SEL1L: variants seen among roughly 807,000 people sequenced by gnomAD.
The protein encoded by SEL1L is SEL1L adaptor subunit of SYVN1 ubiquitin ligase.
In SEL1L, 52 loss-of-function variants were observed where a neutral mutation model predicts 109.8. The ratio of observed to expected loss-of-function variants is 0.47; its 90% CI spans 0.38 to 0.60. The LOEUF (loss-of-function observed/expected upper bound fraction) is 0.60, where lower values mean the gene tolerates loss of function less well. SEL1L is among the 20% of genes least tolerant of loss of function. The probability of loss-of-function intolerance (pLI) is 0.00; values close to 1 mark genes in which losing one functional copy is unlikely to be tolerated. For synonymous variants in SEL1L, 373 were observed against 339.6 expected (o/e 1.10, Z -1.08); for missense variants, 749 against 962.2 (o/e 0.78, Z 2.93).
intron 13 of SEL1L, among the ~76,000 whole-genome samples, chr14:81,490,105 T>C (rs1356709325): frequency 1.3e-5 from 2 of 152,202 alleles, no homozygotes; most frequent in Non-Finnish European, 2.9e-5. Context: ...ATAGGGTAGA[T>C]TATATAAGTT....
Position 81,502,852 on chromosome 14 carries a change from T to G in SEL1L, c.646A>C (p.Met216Leu). Residue 216 changes from methionine to leucine, a missense_variant, in exon 6 of 21, where the codon ATG becomes CTG. Met to Leu is a conservative substitution (Grantham distance 15, BLOSUM62 2). Around this residue, in one of 2 missense-constraint regions of SEL1L, gnomAD observed 366 missense variants for 399.8 expected, o/e 0.92. Coordinates refer to ENST00000336735, the MANE Select transcript of SEL1L (RefSeq NM_005065.6). Reference protein sequence around the residue: ...AYRYLQKAASMNHTKALERVS... With the variant: ...AYRYLQKAASLNHTKALERVS... ...CTCTCCAGGGCTTTGGTATGGTTCA[T>G]GCTTGCTGCCTTTTGGAGATACCGA... 2 of 1,613,948 alleles carry G rather than the reference T, an allele frequency of 1.2e-6. No homozygotes were observed. Among genetic ancestry groups the G allele is most frequent in the Non-Finnish European group, 1.7e-6 (2 of 1,179,870 alleles).
At chr14:81,530,671 T>C (rs1052501297) in intron 1 of SEL1L, among the ~76,000 whole-genome samples, 2 of 152,212 alleles carry the variant, frequency 1.3e-5, no homozygotes, top group South Asian at 4.1e-4. Context: ...TGAAGAAATA[T>C]CTTTTTAGTG....
At chr14:81,516,483 T>C (rs1194541118) in intron 3 of SEL1L, among the ~76,000 whole-genome samples, 2 of 152,188 alleles carry the variant, frequency 1.3e-5, no homozygotes, top group Non-Finnish European at 2.9e-5. Context: ...GGAGCTATTA[T>C]CTACATGAAT....
chr14:81,509,751 G>T (rs548947470), intron 3 of SEL1L, among the ~76,000 whole-genome samples: 2 of 152,252 alleles, frequency 1.3e-5, no homozygotes, highest in South Asian at 4.1e-4. Flanking sequence ...TCAAGAGGGG[G>T]CATTTGGTAA....
At position 81,487,933 on chromosome 14, in the gene SEL1L, G is replaced by A; in HGVS notation, c.1405C>T (p.Leu469=). Residue 469 remains leucine, a synonymous_variant, in exon 15 of 21, where the codon CTA becomes TTA. Transcript: ENST00000336735. ...YGRGVQVNYD[L]ALKYFQKAAE... ...GCTTTCTGGAAATACTTAAGGGCTA[G>A]ATCATAATTCTGTAGAAAAAGATGT... 3 of 1,613,308 alleles carry A rather than the reference G, an allele frequency of 1.9e-6. No individual in the cohort carries two copies. The highest frequency in any genetic ancestry group is 2.5e-6 in the Non-Finnish European group (3 of 1,179,502).
At chr14:81,526,686 A>G (rs371558925) in intron 3 of SEL1L, 47 bp downstream of exon 3, 1 of 1,438,930 alleles carries the variant, frequency 6.9e-7, no homozygotes. Flanking sequence ...TAAAATTTTC[A>G]GTTGTCCCCT....
At chr14:81,480,390 C>A (rs902994347) in intron 19 of SEL1L, among the ~76,000 whole-genome samples, 2 of 152,102 alleles carry the variant, frequency 1.3e-5, no homozygotes, top group South Asian at 4.1e-4. Flanking sequence ...GGGGTTTCAC[C>A]GTGTTCGCCA....
At chr14:81,519,232 C>A (rs1884820501) in intron 3 of SEL1L, among the ~76,000 whole-genome samples, 1 of 152,132 alleles carries the variant, frequency 6.6e-6, no homozygotes, top group Non-Finnish European at 1.5e-5. Context: ...GGGAGAGGAC[C>A]CTTGAAAGCT....
chr14:81,504,078 T>C, intron 5 of SEL1L, 123 bp downstream of exon 5: 1 of 518,086 alleles, frequency 1.9e-6, no homozygotes, highest in East Asian at 3.3e-5. Flanking sequence ...TTACATTTTT[T>C]TGTAATGGAA....
intron 13 of SEL1L, among the ~76,000 whole-genome samples, chr14:81,489,840 T>G (rs903964744): frequency 6.6e-6 from 1 of 152,144 alleles, no homozygotes; most frequent in African/African-American, 2.4e-5. Flanking sequence ...AATCTAGAAT[T>G]TGCCTAAACT....
At chr14:81,489,745 T>A (rs933271334) in intron 13 of SEL1L, among the ~76,000 whole-genome samples, 3 of 152,188 alleles carry the variant, frequency 2.0e-5, no homozygotes, top group Non-Finnish European at 4.4e-5. Flanking sequence ...ATAGCAATGC[T>A]GCTATCAGGT....
intron 19 of SEL1L, among the ~76,000 whole-genome samples, chr14:81,483,063 T>C (rs1903410128): frequency 6.6e-6 from 1 of 152,238 alleles, no homozygotes; most frequent in Non-Finnish European, 1.5e-5. Flanking sequence ...AGATTGATCA[T>C]TAAAAATAAT....
At chr14:81,483,989 T>C (rs1298507530) in intron 19 of SEL1L, among the ~76,000 whole-genome samples, 1 of 152,240 alleles carries the variant, frequency 6.6e-6, no homozygotes, top group Non-Finnish European at 1.5e-5. Context: ...GCACTTCCAT[T>C]TTCATGAGTC....
Position 81,533,770 on chromosome 14 carries a change from C to A in SEL1L, c.-26G>T. ...CCTCCTCTCGGGGCCGGTGCCAACC[C>A]CTAGAGCTGTCGCCTTCGCCTCTGC... On this transcript the variant is annotated 5_prime_UTR_variant, in exon 1 of 21. Transcript: ENST00000336735. The A allele has an allele frequency of 6.2e-7, 1 of 1,609,232 alleles. No homozygotes were observed. The highest frequency in any genetic ancestry group is 8.5e-7 in the Non-Finnish European group (1 of 1,177,976).
At chr14:81,501,453 C>T (rs753467250) in intron 6 of SEL1L, among the ~76,000 whole-genome samples, 12 of 152,090 alleles carry the variant, frequency 7.9e-5, no homozygotes, top group Non-Finnish European at 1.2e-4. Context: ...TTTATATAAA[C>T]TGATTCACGC....
intron 3 of SEL1L, among the ~76,000 whole-genome samples, chr14:81,513,114 G>A (rs913361611): frequency 3.9e-5 from 6 of 152,094 alleles, no homozygotes; most frequent in African/African-American, 1.2e-4. Context: ...CTGTAAGAAC[G>A]CACCAATCAG....
intron 5 of SEL1L, among the ~76,000 whole-genome samples, chr14:81,503,410 T>A (rs1884100011): frequency 6.6e-6 from 1 of 151,958 alleles, no homozygotes; most frequent in African/African-American, 2.4e-5. Flanking sequence ...TGATCACAGC[T>A]CACTGCAGCC....
At chr14:81,484,149 C>G (rs1195953468) in intron 19 of SEL1L, 76 bp downstream of exon 19, 2 of 1,451,774 alleles carry the variant, frequency 1.4e-6, no homozygotes, top group Non-Finnish European at 1.9e-6. Flanking sequence ...CAAGGAAAGT[C>G]TATTTTCTAT....
intron 11 of SEL1L, among the ~76,000 whole-genome samples, chr14:81,493,021 C>T (rs1034600369): frequency 6.6e-6 from 1 of 152,120 alleles, no homozygotes; most frequent in Admixed American, 6.5e-5. Context: ...AATTCTTGAC[C>T]CTACTTAAAA....
Sources: allele counts gnomAD v4.1 joint callset (sites outside exome capture counted in the v4.1 genomes callset), GRCh38; gene constraint gnomAD v4.1.1; regional missense constraint gnomAD v4.1.1; transcripts MANE v1.5; gene names NCBI Gene and HGNC (gene_info 2026-07-23, HGNC 2026-07-21).